The following UXS1 variants were observed in gnomAD, a reference collection of about 807,000 sequenced individuals.
UXS1 encodes UDP-glucuronate decarboxylase 1, also known as UDP-glucuronic acid decarboxylase 1.
UXS1 carries 33 observed loss-of-function variants against 62.6 expected under a neutral mutation model. The ratio of observed to expected loss-of-function variants is 0.53; its 90% confidence interval spans 0.40 to 0.70. UXS1 has a LOEUF of 0.70. Ranked by LOEUF, UXS1 falls within the 30% of genes least tolerant of loss-of-function variation. The probability of loss-of-function intolerance (pLI) is 0.00; values close to 1 mark genes in which losing one functional copy is unlikely to be tolerated. For missense variants in UXS1, 434 were observed against 556.3 expected, an observed-to-expected ratio of 0.78 and a Z score of 2.21; for synonymous variants, 213 against 206.8, an observed-to-expected ratio of 1.03 and a Z score of -0.26.
chr2:106,186,100 A>G (rs1454196984), intron 1 of UXS1, among the ~76,000 whole-genome samples: 1 of 152,238 alleles, frequency 6.6e-6, no homozygotes, highest in African/African-American at 2.4e-5. Flanking sequence ...AAAATTAGAA[A>G]ATCACTAACT....
Position 106,096,638 on chromosome 2 carries a change from A to G in UXS1, c.1146+80T>C, listed in dbSNP as rs948519475. ...TTGCTCCTCCGGGGGCTGTCTGACA[A>G]GGGTCAGTGCCTACAGGACAGCAGA... On this transcript the variant is annotated intron_variant, in intron 14 of 14. Transcript: ENST00000283148. 44 of 1,327,944 alleles carry G rather than the reference A, an allele frequency of 3.3e-5. No individual in the cohort carries two copies. In the African/African-American group the frequency reaches 5.1e-4, roughly 15 times the overall value. 82.3% of individuals were successfully genotyped at this position (1,327,944 alleles called of 1,614,324 possible).
intron 4 of UXS1, among the ~76,000 whole-genome samples, chr2:106,160,984 A>G (rs898952679): frequency 6.6e-6 from 1 of 152,210 alleles, no homozygotes; most frequent in Non-Finnish European, 1.5e-5. Context: ...GCTGAAAAAC[A>G]GGAAGGGGAG....
At chr2:106,191,670 G>A (rs1442305563) in intron 1 of UXS1, among the ~76,000 whole-genome samples, 1 of 152,170 alleles carries the variant, frequency 6.6e-6, no homozygotes, top group Non-Finnish European at 1.5e-5. Context: ...ATCCTTCTTT[G>A]CATTCCTAGA....
intron 11 of UXS1, among the ~76,000 whole-genome samples, chr2:106,104,411 C>A (rs1351785033): frequency 6.6e-6 from 1 of 152,228 alleles, no homozygotes; most frequent in Non-Finnish European, 1.5e-5. Context: ...AGGACTATCT[C>A]CTCCACCCCG....
In UXS1 at chr2:106,129,741, A is replaced by T. The variant is rs1314454652; in HGVS notation, c.510T>A (p.Pro170=). 1 of 1,611,688 alleles carries T rather than the reference A, an allele frequency of 6.2e-7. No homozygotes were observed. The highest frequency in any genetic ancestry group is 1.7e-5 in the Admixed American group (1 of 59,752). ...QIYHLASPAS[P]PNYMYNPIKT... Reference sequence around the variant, plus strand: ...TGATAGGATTATACATGTAGTTTGGAGGGGAGGCTGGAGATGCCAGATGGT... The same window carrying T: ...TGATAGGATTATACATGTAGTTTGGTGGGGAGGCTGGAGATGCCAGATGGT... Residue 170 remains proline, a synonymous_variant, in exon 7 of 15, where the codon CCT becomes CCA. Transcript: ENST00000283148.
Position 106,166,072 on chromosome 2 carries a change from T to C in UXS1, c.106A>G (p.Asn36Asp), listed in dbSNP as rs1266035128. 1.9e-6 allele frequency: 3 copies of C among 1,611,452 alleles called. No homozygotes were observed. The highest frequency in any genetic ancestry group is 2.5e-6 in the Non-Finnish European group (3 of 1,179,004). The change falls in exon 2 of 15, where the codon AAC (asparagine) becomes GAC (aspartate). Residue 36 changes from asparagine to aspartate, a missense_variant. Transcript: ENST00000283148. ...AACAATTACCTCATATTAACGAAGT[T>C]GCCCCAAACAGCTGTAAGAGAAAGA... ...LLAYVASVWGNFVNMSFLLNR... is the reference protein window; with the variant it reads ...LLAYVASVWGDFVNMSFLLNR...
intron 10 of UXS1, among the ~76,000 whole-genome samples, chr2:106,111,106 G>A (rs977953526): frequency 6.6e-6 from 1 of 152,202 alleles, no homozygotes; most frequent in Admixed American, 6.5e-5. Flanking sequence ...CTCCAGCTGC[G>A]GGGTTGAGAG....
At position 106,123,020 on chromosome 2, in the gene UXS1, C is replaced by T. The variant is rs377181773; in HGVS notation, c.709G>A (p.Asp237Asn). The T allele has an allele frequency of 1.6e-5, 26 of 1,613,880 alleles. No homozygotes were observed. The highest frequency in any genetic ancestry group is 1.1e-4 in the East Asian group (5 of 44,900). Residue 237 changes from aspartate (D) to asparagine (N), a missense_variant, in exon 9 of 15, where the codon GAT (aspartate) becomes AAT (asparagine). By Grantham distance (23) the Asp-to-Asn change is conservative. Around this residue, in one of 3 missense-constraint regions of UXS1, gnomAD observed 134 missense variants for 251.9 expected, o/e 0.53. Coordinates refer to ENST00000283148, the MANE Select transcript of UXS1 (RefSeq NM_001253875.2). ...VNPIGPRACY[D>N]EGKRVAETMC... is the part of the protein sequence containing the mutation. The stretch of plus-strand genomic sequence containing the variant: ...GTCTCTGCAACACGTTTGCCTTCAT[C>T]GTAGCAGGCCCGAGGTCCTATTGGA...
chr2:106,102,194 GGAT>G (rs1677653284), intron 11 of UXS1: 1 of 152,168 alleles, frequency 6.6e-6, no homozygotes, highest in African/African-American at 2.4e-5. Flanking sequence ...TGCTAACCTT[GGAT>G]GATTTCTCCT....
chr2:106,115,504 A>G (rs916637129), intron 9 of UXS1, among the ~76,000 whole-genome samples: 20 of 152,162 alleles, frequency 1.3e-4, no homozygotes, highest in Admixed American at 2.0e-4. Context: ...TTTGTCCCCT[A>G]TGGTGGCCCA....
chr2:106,099,995 A>AT (rs1255336316), intron 12 of UXS1, among the ~76,000 whole-genome samples: 2 of 152,260 alleles, frequency 1.3e-5, no homozygotes, highest in African/African-American at 2.4e-5. Flanking sequence ...AAAGACATGC[A>AT]TAAGCAAAGG....
intron 12 of UXS1, 29 bp from the exon 13 acceptor site, chr2:106,098,802 G>A (rs772208370): frequency 3.1e-6 from 5 of 1,601,600 alleles, no homozygotes; most frequent in Non-Finnish European, 4.3e-6. Context: ...CCAGTTATAA[G>A]CGTCATGACA....
chr2:106,193,651 G>C (rs1037594330), intron 1 of UXS1, among the ~76,000 whole-genome samples: 4 of 152,158 alleles, frequency 2.6e-5, no homozygotes, highest in Non-Finnish European at 5.9e-5. Flanking sequence ...GGCTCCCCAA[G>C]AGTTAAACGC....
chr2:106,161,766 T>A (rs1682911038), intron 4 of UXS1, among the ~76,000 whole-genome samples: 1 of 152,208 alleles, frequency 6.6e-6, no homozygotes, highest in Non-Finnish European at 1.5e-5. Context: ...ACAAATGGCA[T>A]ATAATCAAAG....
intron 1 of UXS1, among the ~76,000 whole-genome samples, chr2:106,178,374 T>C (rs889976650): frequency 6.6e-5 from 10 of 152,234 alleles, no homozygotes; most frequent in African/African-American, 2.4e-4. Context: ...TATGTATATG[T>C]ACCACTATAT....
chr2:106,143,783 G>A (rs533289092), intron 6 of UXS1, among the ~76,000 whole-genome samples: 2 of 152,246 alleles, frequency 1.3e-5, no homozygotes, highest in South Asian at 4.1e-4. Flanking sequence ...ACACTCTCCC[G>A]CACATGGCTC....
At chr2:106,110,706 C>T (rs1295284006) in intron 10 of UXS1, among the ~76,000 whole-genome samples, 2 of 152,300 alleles carry the variant, frequency 1.3e-5, no homozygotes, top group South Asian at 2.1e-4. Flanking sequence ...TTCTCTCCTG[C>T]GCCCACGTAC....
chr2:106,167,259 T>TA (rs143519436), intron 1 of UXS1, among the ~76,000 whole-genome samples: 6,154 of 152,288 alleles, frequency 0.04, 187 homozygotes, highest in South Asian at 0.066. Context: ...TACACACTCC[T>TA]ATTTGGCCCT....
At chr2:106,175,538 T>G (rs1561853) in intron 1 of UXS1, among the ~76,000 whole-genome samples, 149,109 of 152,234 alleles carry the variant, frequency 0.98, 73,086 homozygotes, top group South Asian at 1. Flanking sequence ...TGGACCACAG[T>G]GAAGAGCAAA....
Sources: allele counts gnomAD v4.1 joint callset (sites outside exome capture counted in the v4.1 genomes callset), GRCh38; gene constraint gnomAD v4.1.1; regional missense constraint gnomAD v4.1.1; transcripts MANE v1.5; gene names NCBI Gene and HGNC (gene_info 2026-07-23, HGNC 2026-07-21).